The following TMEM135 variants were observed in gnomAD, a reference collection of about 807,000 sequenced individuals.
TMEM135 encodes transmembrane protein 135.
TMEM135 carries 30 observed loss-of-function variants against 60.3 expected under a neutral mutation model. The ratio of observed to expected loss-of-function variants is 0.50; its 90% CI spans 0.37 to 0.68. The LOEUF (loss-of-function observed/expected upper bound fraction) is 0.68, where lower values mean the gene tolerates loss of function less well. TMEM135 is among the 30% of genes least tolerant of loss of function. The pLI, the probability that TMEM135 is intolerant of heterozygous loss-of-function variation, is 0.00. For synonymous variants in TMEM135, 190 were observed against 186.7 expected (o/e 1.02, Z -0.14); for missense variants, 468 against 548.8 (o/e 0.85, Z 1.47).
At chr11:87,174,693 G>A (rs891897141) in intron 5 of TMEM135, among the ~76,000 whole-genome samples, 12 of 152,106 alleles carry the variant, frequency 7.9e-5, no homozygotes, top group African/African-American at 2.7e-4. Context: ...TCATGTCATC[G>A]ATAGCTCCTT....
chr11:87,206,907 A>T (rs941827468), intron 5 of TMEM135, among the ~76,000 whole-genome samples: 1 of 152,140 alleles, frequency 6.6e-6, no homozygotes, highest in African/African-American at 2.4e-5. Context: ...TGTATGTTAG[A>T]ACCTGTATTG....
chr11:87,321,052 ATG>A (rs1942810970), intron 14 of TMEM135, 147 bp from the exon 15 acceptor site: 2 of 640,502 alleles, frequency 3.1e-6, no homozygotes. Flanking sequence ...AAGAGCCTTC[ATG>A]TGACTTGAAT....
At chr11:87,103,991 C>G (rs996916624) in intron 4 of TMEM135, among the ~76,000 whole-genome samples, 1 of 151,464 alleles carries the variant, frequency 6.6e-6, no homozygotes, top group African/African-American at 2.4e-5. Flanking sequence ...TGGGTTCATA[C>G]CCCCAAAAAA....
intron 6 of TMEM135, among the ~76,000 whole-genome samples, chr11:87,258,303 G>C (rs1387090145): frequency 6.6e-6 from 1 of 151,928 alleles, no homozygotes; most frequent in African/African-American, 2.4e-5. Context: ...ATGTGCAGAG[G>C]AAATGAGCTC....
intron 6 of TMEM135, among the ~76,000 whole-genome samples, chr11:87,270,835 A>G (rs1253232704): frequency 2.0e-5 from 3 of 152,146 alleles, no homozygotes; most frequent in Admixed American, 2.0e-4. Context: ...CTTTTCCTCT[A>G]TTATTAAAGT....
chr11:87,116,861 C>T (rs962764275), intron 4 of TMEM135, among the ~76,000 whole-genome samples: 4 of 151,218 alleles, frequency 2.6e-5, no homozygotes, highest in Non-Finnish European at 5.9e-5. Flanking sequence ...TTCACTCTGT[C>T]TCCCAGGATA....
intron 5 of TMEM135, among the ~76,000 whole-genome samples, chr11:87,221,377 G>A (rs1238378064): frequency 6.6e-6 from 1 of 152,188 alleles, no homozygotes; most frequent in African/African-American, 2.4e-5. Flanking sequence ...GATTCCAAAG[G>A]GGAATTGTGC....
chr11:87,181,678 C>T (rs1473417185), intron 5 of TMEM135, among the ~76,000 whole-genome samples: 1 of 151,886 alleles, frequency 6.6e-6, no homozygotes. Context: ...TACATGACTC[C>T]ATGTATTTGT....
intron 3 of TMEM135, among the ~76,000 whole-genome samples, chr11:87,073,954 C>G (rs111645194): frequency 4.6e-5 from 7 of 151,838 alleles, no homozygotes; most frequent in Non-Finnish European, 8.8e-5. Flanking sequence ...CTGCGTGAGC[C>G]ACTGCGCCCA....
intron 4 of TMEM135, among the ~76,000 whole-genome samples, chr11:87,155,575 A>G (rs1001051172): frequency 6.6e-5 from 10 of 152,100 alleles, no homozygotes; most frequent in Non-Finnish European, 1.5e-4. Flanking sequence ...GCAGAGAGAG[A>G]TGTTTAAGTT....
intron 1 of TMEM135, 101 bp downstream of exon 1, chr11:87,038,287 TC>T: frequency 1.6e-6 from 2 of 1,261,824 alleles, no homozygotes; most frequent in South Asian, 2.4e-5. Flanking sequence ...TTGCCTTGTG[TC>T]GGGCTCTCTT....
chr11:87,071,767 A>C, intron 3 of TMEM135, 152 bp downstream of exon 3: 3 of 466,328 alleles, frequency 6.4e-6, no homozygotes, highest in Non-Finnish European at 1.1e-5. Flanking sequence ...AATTAATTTT[A>C]TATTAATGTT....
rs1180658236 is a variant in TMEM135 at position 87,321,921 on chromosome 11, AT to A, written c.*591del. 2.2e-6 allele frequency: 1 copy of A among 454,422 alleles called. No homozygotes were observed. Among genetic ancestry groups the A allele is most frequent in the Non-Finnish European group, 4.4e-6 (1 of 226,746 alleles). 28.1% of individuals were successfully genotyped at this position (454,422 alleles called of 1,614,324 possible). ...GGGATGCAAAGATGGGTCTCATACC[AT>A]TTGGATAAATGTCGTGGTATCCATG... is the stretch of plus-strand genomic sequence containing the variant. On this transcript the variant is annotated 3_prime_UTR_variant, in exon 15 of 15. Coordinates refer to ENST00000305494, the MANE Select transcript of TMEM135 (RefSeq NM_022918.4).
chr11:87,297,464 G>T (rs1942366772), intron 7 of TMEM135, among the ~76,000 whole-genome samples: 1 of 152,136 alleles, frequency 6.6e-6, no homozygotes, highest in South Asian at 2.1e-4. Flanking sequence ...AGAAAATAAA[G>T]ATTTTCTTAT....
chr11:87,173,947 T>C (rs1939305678), intron 5 of TMEM135, among the ~76,000 whole-genome samples: 1 of 152,196 alleles, frequency 6.6e-6, no homozygotes, highest in Admixed American at 6.6e-5. Flanking sequence ...TGATGTGTAC[T>C]ACTCAACCAA....
At chr11:87,265,259 T>G (rs1305758883) in intron 6 of TMEM135, among the ~76,000 whole-genome samples, 1 of 151,986 alleles carries the variant, frequency 6.6e-6, no homozygotes, top group Non-Finnish European at 1.5e-5. Flanking sequence ...TTGGAATCTT[T>G]ACACTCTGAT....
intron 5 of TMEM135, among the ~76,000 whole-genome samples, chr11:87,222,823 A>G (rs1002808935): frequency 3.0e-5 from 4 of 132,436 alleles, no homozygotes; most frequent in African/African-American, 1.2e-4. Flanking sequence ...GAAAGAAAGA[A>G]AGAAAAAAAA....
intron 4 of TMEM135, among the ~76,000 whole-genome samples, chr11:87,145,871 A>G (rs910775290): frequency 3.9e-5 from 6 of 152,050 alleles, no homozygotes; most frequent in Admixed American, 2.0e-4. Flanking sequence ...TTTTCTCCCA[A>G]TCCATGGGTT....
chr11:87,089,939 G>T (rs184994684), intron 3 of TMEM135, among the ~76,000 whole-genome samples: 1 of 151,956 alleles, frequency 6.6e-6, no homozygotes, highest in African/African-American at 2.4e-5. Context: ...TAACTTTTCA[G>T]TTCAGGAGTA....
Sources: allele counts gnomAD v4.1 joint callset (sites outside exome capture counted in the v4.1 genomes callset), GRCh38; gene constraint gnomAD v4.1.1; transcripts MANE v1.5; gene names NCBI Gene and HGNC (gene_info 2026-07-23, HGNC 2026-07-21).